The following GRIK4 variants were observed in gnomAD, a reference collection of about 807,000 sequenced individuals.
GRIK4 encodes the protein glutamate ionotropic receptor kainate type subunit 4.
A neutral mutation model predicts 104.9 loss-of-function variants in GRIK4; 40 were observed. The observed-to-expected ratio is 0.38, with a 90% confidence interval of 0.30 to 0.50. GRIK4 has a LOEUF of 0.50. GRIK4 is among the 20% of genes least tolerant of loss of function. The pLI, the probability that GRIK4 is intolerant of heterozygous loss-of-function variation, is 0.93. For synonymous variants in GRIK4, 485 were observed against 524.9 expected, an observed-to-expected ratio of 0.92 and a Z score of 1.04; for missense variants, 1,047 against 1,308.1, an observed-to-expected ratio of 0.80 and a Z score of 3.08.
chr11:120,750,076 C>G (rs1951519812), intron 3 of GRIK4, among the ~76,000 whole-genome samples: 1 of 152,028 alleles, frequency 6.6e-6, no homozygotes. Context: ...GGTGAAGAAA[C>G]AGAGGCAGAG....
chr11:120,737,576 T>C (rs1422727510), intron 3 of GRIK4, among the ~76,000 whole-genome samples: 2 of 151,770 alleles, frequency 1.3e-5, no homozygotes, highest in Non-Finnish European at 2.9e-5. Flanking sequence ...AACAAATAAA[T>C]TGTAAGGAAA....
intron 1 of GRIK4, among the ~76,000 whole-genome samples, chr11:120,539,745 A>G (rs539733353): frequency 6.6e-6 from 1 of 152,290 alleles, no homozygotes; most frequent in African/African-American, 2.4e-5. Context: ...AAACGCCTCC[A>G]TTGGGGGCTG....
chr11:120,976,639 C>T (rs1944565325), intron 19 of GRIK4, among the ~76,000 whole-genome samples: 1 of 152,244 alleles, frequency 6.6e-6, no homozygotes, highest in Non-Finnish European at 1.5e-5. Context: ...CACAGAGCTT[C>T]AGCACCTAGC....
At chr11:120,937,772 G>C (rs142002279) in intron 13 of GRIK4, among the ~76,000 whole-genome samples, 2 of 152,326 alleles carry the variant, frequency 1.3e-5, no homozygotes, top group African/African-American at 4.8e-5. Context: ...GTAGTGAGCT[G>C]CTGCCCATCT....
intron 3 of GRIK4, among the ~76,000 whole-genome samples, chr11:120,700,264 C>CCT (rs1565302848): frequency 8.5e-6 from 1 of 118,246 alleles, no homozygotes; most frequent in Non-Finnish European, 1.7e-5. Context: ...TATATTACTA[C>CCT]TTTTTTTTTT....
At chr11:120,536,005 G>T (rs1347187462) in intron 1 of GRIK4, among the ~76,000 whole-genome samples, 1 of 152,224 alleles carries the variant, frequency 6.6e-6, no homozygotes, top group Non-Finnish European at 1.5e-5. Flanking sequence ...GGTGGAAAAA[G>T]ACGAGAAGGT....
chr11:120,875,812 CCCTTTTTCCCCTTTTCTGAGATCTT>C (rs1406070201), intron 11 of GRIK4, among the ~76,000 whole-genome samples: 2 of 152,158 alleles, frequency 1.3e-5, no homozygotes, highest in Non-Finnish European at 1.5e-5. Flanking sequence ...TCCGCCATTA[CCCTTTTTCCCCTTTTCTGAGATCTT>C]CCTCCATCAG....
At chr11:120,936,313 C>T (rs1291757955) in intron 13 of GRIK4, 2 of 512,970 alleles carry the variant, frequency 3.9e-6, no homozygotes, top group Admixed American at 2.0e-5. Context: ...CCAGGATGTT[C>T]TCCTTTGATG....
intron 9 of GRIK4, 61 bp from the exon 10 acceptor site, chr11:120,874,005 C>T (rs1396355567): frequency 2.1e-6 from 3 of 1,448,482 alleles, no homozygotes; most frequent in African/African-American, 1.4e-5. Context: ...TCTCCCTCCC[C>T]TCCCTTTCTT....
intron 1 of GRIK4, among the ~76,000 whole-genome samples, chr11:120,589,212 C>T (rs563882806): frequency 3.9e-5 from 6 of 152,208 alleles, no homozygotes; most frequent in African/African-American, 9.6e-5. Context: ...ATTTCTAACA[C>T]GTTTCTAGGT....
In GRIK4 at chr11:120,875,142, G is replaced by C. The variant is rs767393609; in HGVS notation, c.1063G>C (p.Glu355Gln). The C allele has an allele frequency of 6.3e-7, 1 of 1,599,522 alleles. No individual in the cohort carries two copies. Among genetic ancestry groups the C allele is most frequent in the Non-Finnish European group, 8.6e-7 (1 of 1,166,888 alleles). ...TSLMNYLRMV[E>Q]LEGLTGHIEF... is the part of the protein sequence containing the mutation. The stretch of plus-strand genomic sequence containing the variant: ...TAACTCACTCTCTCTTGGACAGGTA[G>C]AATTGGAAGGTCTTACCGGCCACAT... The change falls in exon 11 of 21, where the codon GAA (glutamate) becomes CAA (glutamine). Residue 355 changes from glutamate (E) to glutamine (Q), a missense_variant. Glu to Gln is a conservative substitution (Grantham distance 29, BLOSUM62 2). Transcript: ENST00000527524.
At chr11:120,558,948 A>G (rs948468356) in intron 1 of GRIK4, among the ~76,000 whole-genome samples, 5 of 152,172 alleles carry the variant, frequency 3.3e-5, no homozygotes, top group African/African-American at 4.8e-5. Flanking sequence ...AGGCCTCACC[A>G]TGGTGATGCT....
intron 11 of GRIK4, among the ~76,000 whole-genome samples, chr11:120,878,613 G>GCCC (rs67957802): frequency 1.8e-4 from 24 of 134,492 alleles, no homozygotes; most frequent in African/African-American, 6.9e-4. Flanking sequence ...TTTATGCCCC[G>GCCC]CCCCCCCCCC....
chr11:120,604,212 C>T (rs1275326254), intron 1 of GRIK4, among the ~76,000 whole-genome samples: 1 of 150,812 alleles, frequency 6.6e-6, no homozygotes, highest in Non-Finnish European at 1.5e-5. Context: ...GATCTGCCCC[C>T]CTTCGTTTGG....
chr11:120,515,099 G>T (rs1180621970), intron 1 of GRIK4: 5 of 453,872 alleles, frequency 1.1e-5, no homozygotes, highest in Non-Finnish European at 2.2e-5. Flanking sequence ...ATGTCACAAC[G>T]TGGTGTCTGG....
intron 1 of GRIK4, among the ~76,000 whole-genome samples, chr11:120,559,745 GTTCT>G (rs1350901498): frequency 6.6e-6 from 1 of 152,176 alleles, no homozygotes; most frequent in African/African-American, 2.4e-5. Context: ...GACTTCTTGA[GTTCT>G]TTATCACCTT....
chr11:120,940,286 A>C lies in GRIK4; in HGVS notation c.1477-61A>C. The C allele has an allele frequency of 9.9e-7, 1 of 1,008,786 alleles. No homozygotes were observed. Among genetic ancestry groups the C allele is most frequent in the South Asian group, 1.4e-5 (1 of 72,756 alleles). The allele number at this position is 1,008,786 out of a possible 1,614,324, so 62.5% of individuals were successfully genotyped here. ...AATAGCAGTGACGGTTGCTGGTCGC[A>C]AGTCTCTGTGCCTCTTCTCCTATGG... On this transcript the variant is annotated intron_variant, in intron 13 of 20. Coordinates refer to ENST00000527524, the MANE Select transcript of GRIK4 (RefSeq NM_014619.5). This position sits in a 1 kb window ranked among gnomAD's most constrained non-coding sequence, Gnocchi z 4.3.
chr11:120,639,755 C>T (rs7479137), intron 1 of GRIK4, among the ~76,000 whole-genome samples: 140 of 152,334 alleles, frequency 9.2e-4, no homozygotes, highest in African/African-American at 2.8e-3. Context: ...ATGGATGTCC[C>T]AGACTCCAGA....
intron 11 of GRIK4, among the ~76,000 whole-genome samples, chr11:120,882,374 G>A (rs778346867): frequency 1.3e-5 from 2 of 152,212 alleles, no homozygotes; most frequent in African/African-American, 2.4e-5. Context: ...TCAGAGTGCT[G>A]GAGCCAGGTT....
Sources: allele counts gnomAD v4.1 joint callset (sites outside exome capture counted in the v4.1 genomes callset), GRCh38; gene constraint gnomAD v4.1.1; non-coding constraint Gnocchi (gnomAD v3.1); transcripts MANE v1.5; gene names NCBI Gene and HGNC (gene_info 2026-07-23, HGNC 2026-07-21).